The following FMNL2 variants were observed in gnomAD, a reference collection of about 807,000 sequenced individuals.
FMNL2 encodes formin like 2.
Under a neutral mutation model 130.2 loss-of-function variants are expected in FMNL2, and 51 were observed. That is an observed-to-expected ratio of 0.39 (90% CI 0.31 to 0.49). The LOEUF is 0.49. Ranked by LOEUF, FMNL2 falls within the 20% of genes least tolerant of loss-of-function variation. FMNL2 has a pLI of 0.85. For synonymous variants in FMNL2, 465 were observed against 467.1 expected, an observed-to-expected ratio of 1.00 and a Z score of 0.06; for missense variants, 977 against 1,316.2, an observed-to-expected ratio of 0.74 and a Z score of 3.99.
chr2:152,528,890 C>T (rs1693542958), intron 2 of FMNL2, among the ~76,000 whole-genome samples: 1 of 152,174 alleles, frequency 6.6e-6, no homozygotes, highest in South Asian at 2.1e-4. Context: ...TGGGAGTCAT[C>T]TCTTTCCAGT....
rs201085183 is a variant in FMNL2 at position 152,339,268 on chromosome 2, CCA to C, written c.117+3549_117+3550del. ...GTGGCCCAAGACAATTCTTCTTCTT[CCA>C]AGTGTGGCCCAGGGAAGCCAAAAGA... is the stretch of plus-strand genomic sequence containing the variant. On this transcript the variant is annotated intron_variant, in intron 1 of 25. Transcript: ENST00000288670. 8.8e-3 allele frequency among the ~76,000 whole-genome samples: 983 copies of C among 111,650 alleles called. 12 individuals carry two copies. The highest frequency in any genetic ancestry group is 0.024 in the African/African-American group (915 of 37,690). 73.2% of individuals were successfully genotyped at this position (111,650 alleles called of 152,430 possible).
At chr2:152,611,144 G>T (rs1457558001) in intron 10 of FMNL2, among the ~76,000 whole-genome samples, 1 of 152,142 alleles carries the variant, frequency 6.6e-6, no homozygotes, top group East Asian at 1.9e-4. Flanking sequence ...TTTGAGACCA[G>T]CCTGGCCAGC....
chr2:152,598,144 C>T (rs1039472488), intron 9 of FMNL2, among the ~76,000 whole-genome samples: 1 of 152,160 alleles, frequency 6.6e-6, no homozygotes, highest in Non-Finnish European at 1.5e-5. Flanking sequence ...TTGCTGCAGG[C>T]TTTAGACAGC....
intron 2 of FMNL2, among the ~76,000 whole-genome samples, chr2:152,523,925 C>T (rs918820334): frequency 1.1e-4 from 16 of 152,054 alleles, no homozygotes; most frequent in African/African-American, 3.9e-4. Context: ...ATATGGAAGA[C>T]AGTGGAGAGG....
intron 1 of FMNL2, among the ~76,000 whole-genome samples, chr2:152,412,996 C>T (rs1237089427): frequency 6.6e-6 from 1 of 152,028 alleles, no homozygotes; most frequent in Non-Finnish European, 1.5e-5. Context: ...ATCAGCTAGC[C>T]CCTTTCTAAC....
intron 1 of FMNL2, among the ~76,000 whole-genome samples, chr2:152,469,441 A>G (rs1192710869): frequency 6.6e-6 from 1 of 152,172 alleles, no homozygotes; most frequent in Non-Finnish European, 1.5e-5. Context: ...CTTGGCTAGT[A>G]TCCCTTTTCC....
At chr2:152,494,867 C>T (rs1244712127) in intron 1 of FMNL2, among the ~76,000 whole-genome samples, 1 of 152,130 alleles carries the variant, frequency 6.6e-6, no homozygotes, top group African/African-American at 2.4e-5. Context: ...TCAGGAGGAC[C>T]ATGTGGATTT....
chr2:152,635,244 T>C (rs770363253), intron 21 of FMNL2, among the ~76,000 whole-genome samples: 1 of 152,220 alleles, frequency 6.6e-6, no homozygotes, highest in Non-Finnish European at 1.5e-5. Flanking sequence ...AGGATCAGCT[T>C]CGATGATTGC....
intron 13 of FMNL2, among the ~76,000 whole-genome samples, chr2:152,618,321 C>T (rs914026534): frequency 6.6e-6 from 1 of 152,130 alleles, no homozygotes. Flanking sequence ...GTCAAGGGGG[C>T]GTTGTGAGGG....
In FMNL2 at chr2:152,606,069, G is replaced by A. The variant is rs143788223; in HGVS notation, c.877-1270G>A. 1.6e-4 allele frequency among the ~76,000 whole-genome samples: 24 copies of A among 152,288 alleles called. No individual in the cohort carries two copies. The East Asian group carries it at 3.1e-3, about 20-fold the overall frequency. ...TGAACTAAACAGAATTCCTGCCTTC[G>A]TGGGAATTTCTCTTCACCAAAATAT... On this transcript the variant is annotated intron_variant, in intron 9 of 25. Coordinates refer to ENST00000288670, the MANE Select transcript of FMNL2 (RefSeq NM_052905.4).
rs140517469 is a variant in FMNL2, at chr2:152,463,854, C to T, written c.118-58089C>T. On this transcript the variant is annotated intron_variant, in intron 1 of 25. Transcript: ENST00000288670. Reference sequence around the variant, plus strand: ...TGTTTTTTTTTCTCCCTGGCTTTTCCCATTTGGAGAAAAACACTTCAAACC... The same window carrying T: ...TGTTTTTTTTTCTCCCTGGCTTTTCTCATTTGGAGAAAAACACTTCAAACC... 3.3e-3 allele frequency among the ~76,000 whole-genome samples: 501 copies of T among 152,108 alleles called. 10 individuals carry two copies. The East Asian group carries it at 0.036, about 11-fold the overall frequency.
At chr2:152,459,163 G>GA (rs1689106931) in intron 1 of FMNL2, among the ~76,000 whole-genome samples, 1 of 152,034 alleles carries the variant, frequency 6.6e-6, no homozygotes, top group Non-Finnish European at 1.5e-5. Context: ...GAAAAGATTT[G>GA]AAAAAATGGA....
intron 21 of FMNL2, among the ~76,000 whole-genome samples, chr2:152,635,515 G>A (rs1003924872): frequency 1.3e-5 from 2 of 152,230 alleles, no homozygotes; most frequent in African/African-American, 4.8e-5. Context: ...CAAAAAAAGT[G>A]AGAAGTGTGC....
chr2:152,422,129 A>G (rs562710738), intron 1 of FMNL2, among the ~76,000 whole-genome samples: 1 of 152,336 alleles, frequency 6.6e-6, no homozygotes, highest in African/African-American at 2.4e-5. Flanking sequence ...GTTTAGGGGA[A>G]TAGGCTTAAG....
chr2:152,455,328 A>C (rs1276358708), intron 1 of FMNL2, among the ~76,000 whole-genome samples: 1 of 152,226 alleles, frequency 6.6e-6, no homozygotes, highest in African/African-American at 2.4e-5. Flanking sequence ...AGGAAATGGA[A>C]TCAAATCAGA....
intron 1 of FMNL2, among the ~76,000 whole-genome samples, chr2:152,443,971 A>T: frequency 6.6e-6 from 1 of 152,214 alleles, no homozygotes; most frequent in East Asian, 1.9e-4. Context: ...GTGCATTCAC[A>T]CAGTGCTGAC....
intron 1 of FMNL2, among the ~76,000 whole-genome samples, chr2:152,400,222 C>T (rs987893532): frequency 2.0e-5 from 3 of 152,036 alleles, no homozygotes; most frequent in South Asian, 4.2e-4. Flanking sequence ...CACTTGAGGT[C>T]GGGGTTTAAG....
intron 1 of FMNL2, among the ~76,000 whole-genome samples, chr2:152,354,130 G>T (rs1004860672): frequency 6.6e-6 from 1 of 152,188 alleles, no homozygotes; most frequent in Non-Finnish European, 1.5e-5. Context: ...CCTAATGGAA[G>T]TGCTAGTGTT....
At chr2:152,507,923 C>T (rs1692262687) in intron 1 of FMNL2, among the ~76,000 whole-genome samples, 1 of 151,760 alleles carries the variant, frequency 6.6e-6, no homozygotes, top group Admixed American at 6.6e-5. Context: ...ATTGTGATGA[C>T]CAGAAGACGT....
Sources: allele counts gnomAD v4.1 joint callset (sites outside exome capture counted in the v4.1 genomes callset), GRCh38; gene constraint gnomAD v4.1.1; transcripts MANE v1.5; gene names NCBI Gene and HGNC (gene_info 2026-07-23, HGNC 2026-07-21).